SCN11A: variants seen among roughly 807,000 people sequenced by gnomAD.
SCN11A encodes sodium voltage-gated channel alpha subunit 11.
Under a neutral mutation model 162.2 loss-of-function variants are expected in SCN11A, and 122 were observed. The ratio of observed to expected loss-of-function variants is 0.75; its 90% confidence interval spans 0.65 to 0.87. SCN11A has a LOEUF of 0.87. SCN11A is among the 40% of genes least tolerant of loss of function. SCN11A has a pLI of 0.00. For missense variants in SCN11A, 2,015 were observed against 2,181.6 expected, an observed-to-expected ratio of 0.92 and a Z score of 1.52; for synonymous variants, 758 against 751.5, an observed-to-expected ratio of 1.01 and a Z score of -0.14.
chr3:39,015,967 C>T (rs1244270343), intron 2 of SCN11A, among the ~76,000 whole-genome samples: 1 of 152,124 alleles, frequency 6.6e-6, no homozygotes, highest in Non-Finnish European at 1.5e-5. Flanking sequence ...GAACTTCTGA[C>T]CTCAAGTGAT....
In SCN11A at chr3:39,023,711, C is replaced by T. The variant is rs372791416; in HGVS notation, c.-280+8669G>A. On this transcript the variant is annotated intron_variant, in intron 2 of 29. Coordinates refer to ENST00000302328, the MANE Select transcript of SCN11A (RefSeq NM_001349253.2). ...AGGCTGGAGTGCAGTGGCATGATCT[C>T]GGCTCACTGCAACCTCTGCCTCCCG... is the stretch of plus-strand genomic sequence containing the variant. 7.3e-5 allele frequency among the ~76,000 whole-genome samples: 11 copies of T among 150,980 alleles called. No homozygotes were observed. In the South Asian group the frequency reaches 2.1e-3, roughly 29 times the overall value.
At chr3:38,892,113 A>G (rs2065510504) in intron 19 of SCN11A, among the ~76,000 whole-genome samples, 1 of 152,228 alleles carries the variant, frequency 6.6e-6, no homozygotes, top group Non-Finnish European at 1.5e-5. Context: ...GGAGACCAAA[A>G]GGCAGTGATA....
intron 16 of SCN11A, among the ~76,000 whole-genome samples, chr3:38,900,822 T>A (rs930737126): frequency 2.6e-5 from 4 of 152,174 alleles, no homozygotes; most frequent in Non-Finnish European, 5.9e-5. Context: ...GAATTTTGTA[T>A]TTTCCATGGG....
intron 2 of SCN11A, among the ~76,000 whole-genome samples, chr3:39,003,398 A>G (rs1474429457): frequency 6.6e-6 from 1 of 152,238 alleles, no homozygotes; most frequent in Non-Finnish European, 1.5e-5. Flanking sequence ...TCCATGATGT[A>G]TATGTACCAG....
chr3:38,933,616 G>C (rs2066280495), intron 7 of SCN11A, among the ~76,000 whole-genome samples: 1 of 152,188 alleles, frequency 6.6e-6, no homozygotes, highest in African/African-American at 2.4e-5. Context: ...CTGGAAGAAA[G>C]GGTATCAGTG....
At chr3:38,978,627 C>T (rs2066863523) in intron 2 of SCN11A, among the ~76,000 whole-genome samples, 1 of 147,546 alleles carries the variant, frequency 6.8e-6, no homozygotes. Context: ...GTCAGGATGA[C>T]AGAGTGAGAC....
chr3:38,945,601 C>G (rs954697301), intron 6 of SCN11A, 89 bp from the exon 7 acceptor site: 3 of 757,224 alleles, frequency 4.0e-6, no homozygotes, highest in Admixed American at 3.1e-5. Context: ...TGATGGTCCC[C>G]TTTTCTGCAG....
At chr3:38,959,047 G>C (rs1321617245) in intron 3 of SCN11A, among the ~76,000 whole-genome samples, 2 of 152,114 alleles carry the variant, frequency 1.3e-5, no homozygotes, top group African/African-American at 4.8e-5. Flanking sequence ...AACCAGTAAG[G>C]GAAATCGCAA....
chr3:38,966,054 G>T (rs140776344), intron 2 of SCN11A, among the ~76,000 whole-genome samples: 1 of 152,302 alleles, frequency 6.6e-6, no homozygotes, highest in African/African-American at 2.4e-5. Flanking sequence ...ATCACTGGTA[G>T]AGGCAGCTGG....
intron 2 of SCN11A, among the ~76,000 whole-genome samples, chr3:39,023,774 C>T (rs2125608035): frequency 6.6e-6 from 1 of 152,224 alleles, no homozygotes; most frequent in African/African-American, 2.4e-5. Flanking sequence ...TCTCAAGTAG[C>T]TGGGACTACA....
At chr3:39,015,670 T>C (rs1019551022) in intron 2 of SCN11A, among the ~76,000 whole-genome samples, 1 of 152,206 alleles carries the variant, frequency 6.6e-6, no homozygotes, top group Non-Finnish European at 1.5e-5. Context: ...TTATTTCTCA[T>C]AGAGACAGTG....
intron 19 of SCN11A, among the ~76,000 whole-genome samples, chr3:38,888,584 G>GT (rs2065440848): frequency 6.6e-6 from 1 of 152,210 alleles, no homozygotes; most frequent in Non-Finnish European, 1.5e-5. Flanking sequence ...TAATAAAGAA[G>GT]TTACATAGAG....
chr3:39,049,644 C>A (rs1417791238), intron 1 of SCN11A, among the ~76,000 whole-genome samples: 1 of 152,200 alleles, frequency 6.6e-6, no homozygotes. Flanking sequence ...TAGCTCCAAT[C>A]CTGTTGCCAT....
chr3:38,944,001 C>T (rs1161644973), intron 7 of SCN11A, among the ~76,000 whole-genome samples: 1 of 152,076 alleles, frequency 6.6e-6, no homozygotes, highest in African/African-American at 2.4e-5. Context: ...TAATAAATGT[C>T]CAATTGGGAT....
chr3:38,995,771 A>G (rs1398358858), intron 2 of SCN11A, among the ~76,000 whole-genome samples: 1 of 148,466 alleles, frequency 6.7e-6, no homozygotes, highest in African/African-American at 2.6e-5. Flanking sequence ...CCTCCATAAT[A>G]ATGTGAGCCA....
intron 2 of SCN11A, among the ~76,000 whole-genome samples, chr3:38,974,111 T>C (rs1036080580): frequency 6.6e-6 from 1 of 151,948 alleles, no homozygotes; most frequent in African/African-American, 2.4e-5. Flanking sequence ...AATTAACAGA[T>C]AGAAAATGTA....
At chr3:38,981,116 T>C (rs531304321) in intron 2 of SCN11A, among the ~76,000 whole-genome samples, 9 of 152,344 alleles carry the variant, frequency 5.9e-5, no homozygotes, top group Admixed American at 2.0e-4. Context: ...TCTACCTGTC[T>C]GTCTGCATTT....
intron 22 of SCN11A, among the ~76,000 whole-genome samples, 198 bp downstream of exon 22, chr3:38,883,035 G>A (rs1337520405): frequency 6.6e-6 from 1 of 152,152 alleles, no homozygotes; most frequent in African/African-American, 2.4e-5. Context: ...CACAGATAAA[G>A]CATCTTTGCT....
At chr3:39,051,214 T>C (rs530862356) in intron 1 of SCN11A, among the ~76,000 whole-genome samples, 1 of 152,204 alleles carries the variant, frequency 6.6e-6, no homozygotes, top group South Asian at 2.1e-4. Context: ...ACAGGCTATT[T>C]TGTCACCCAG....
Sources: gnomAD v4.1 joint callset for allele counts (sites outside exome capture counted in the v4.1 genomes callset) on GRCh38, gnomAD v4.1.1 for gene constraint, MANE v1.5 for transcripts, NCBI Gene and HGNC (gene_info 2026-07-23, HGNC 2026-07-21) for gene names.